HMGXB4: variants seen among roughly 807,000 people sequenced by gnomAD.
HMGXB4 encodes HMG domain-containing protein 4.
A neutral mutation model predicts 63.9 loss-of-function variants in HMGXB4; 27 were observed. The observed-to-expected ratio is 0.42, with a 90% confidence interval of 0.31 to 0.58. The LOEUF is 0.58. Ranked by LOEUF, HMGXB4 falls within the 20% of genes least tolerant of loss-of-function variation. The pLI, the probability that HMGXB4 is intolerant of heterozygous loss-of-function variation, is 0.13. For missense variants in HMGXB4, 624 were observed against 700.7 expected, an observed-to-expected ratio of 0.89 and a Z score of 1.24; for synonymous variants, 264 against 265.3, an observed-to-expected ratio of 0.99 and a Z score of 0.05.
chr22:35,290,112 A>T (rs1428275859), intron 9 of HMGXB4, among the ~76,000 whole-genome samples: 1 of 150,540 alleles, frequency 6.6e-6, no homozygotes, highest in Admixed American at 6.6e-5. Flanking sequence ...AGATATTTCC[A>T]GAAGAAGTAT....
At chr22:35,283,913 C>G (rs746013294) in intron 5 of HMGXB4, 49 bp from the exon 6 acceptor site, 1 of 1,382,290 alleles carries the variant, frequency 7.2e-7, no homozygotes, top group Admixed American at 1.7e-5. Flanking sequence ...GTTACTAAAC[C>G]TGGGTTCTAA....
At chr22:35,256,326 G>A (rs1165640905), upstream of HMGXB4, among the ~76,000 whole-genome samples, 1 of 152,122 alleles carries the variant, frequency 6.6e-6, no homozygotes, top group East Asian at 1.9e-4. Flanking sequence ...CTGCACACAT[G>A]ATTTTACGTT....
the HMGXB4 span, among the ~76,000 whole-genome samples, chr22:35,245,039 A>C: frequency 6.6e-6 from 1 of 152,016 alleles, no homozygotes; most frequent in African/African-American, 2.4e-5. Flanking sequence ...CGCCCGGCTA[A>C]CTTTTTGTAT....
At chr22:35,264,520 A>G (rs1490549041) in intron 4 of HMGXB4, 128 bp from the exon 5 acceptor site, 2 of 696,610 alleles carry the variant, frequency 2.9e-6, no homozygotes, top group Non-Finnish European at 4.9e-6. Flanking sequence ...GAATCAGTTA[A>G]AGGGTCTCCC....
intron 5 of HMGXB4, among the ~76,000 whole-genome samples, chr22:35,277,747 A>G (rs994994859): frequency 6.6e-6 from 1 of 152,246 alleles, no homozygotes; most frequent in African/African-American, 2.4e-5. Flanking sequence ...AGAGGAAAGT[A>G]CAGAGGTAAC....
At chr22:35,254,390 G>A (rs1922306218), upstream of HMGXB4, among the ~76,000 whole-genome samples, 1 of 152,196 alleles carries the variant, frequency 6.6e-6, no homozygotes, top group Non-Finnish European at 1.5e-5. Flanking sequence ...TTCCAGCAAG[G>A]TACAGAGGAA....
the HMGXB4 span, among the ~76,000 whole-genome samples, chr22:35,243,199 T>C: frequency 0.59 from 89,594 of 151,752 alleles, 28,949 homozygotes; most frequent in Non-Finnish European, 0.73. Flanking sequence ...GGTGAAACCC[T>C]GTCTCTACTA....
chr22:35,271,522 A>G (rs1229168037), intron 5 of HMGXB4, among the ~76,000 whole-genome samples: 3 of 152,248 alleles, frequency 2.0e-5, no homozygotes. Flanking sequence ...CCTGAGTTCA[A>G]TTCCTGGCTC....
intron 5 of HMGXB4, among the ~76,000 whole-genome samples, chr22:35,281,473 G>C (rs1924240679): frequency 6.6e-6 from 1 of 152,144 alleles, no homozygotes; most frequent in Non-Finnish European, 1.5e-5. Flanking sequence ...TGTGAATTTG[G>C]ATCTATAGTA....
At chr22:35,291,991 TGACTTTGGCAGAGAAATGGATGCTCAAAG>T (rs1192987559) in intron 9 of HMGXB4, among the ~76,000 whole-genome samples, 1 of 152,140 alleles carries the variant, frequency 6.6e-6, no homozygotes, top group Admixed American at 6.5e-5. Flanking sequence ...TGAATGGTGG[TGACTTTGGCAGAGAAATGGATGCTCAAAG>T]GAGGGCTAGA....
chr22:35,248,401 CTTT>C, the HMGXB4 span, among the ~76,000 whole-genome samples: 10 of 102,948 alleles, frequency 9.7e-5, no homozygotes, highest in East Asian at 2.8e-4. Flanking sequence ...GAGGTCGGGA[CTTT>C]TTTTTTTTTT....
intron 5 of HMGXB4, among the ~76,000 whole-genome samples, chr22:35,277,217 T>C (rs775569822): frequency 3.9e-5 from 6 of 152,250 alleles, no homozygotes; most frequent in South Asian, 2.1e-4. Context: ...CAGTCTCTTA[T>C]AGTTGTAGAA....
chr22:35,293,844 G>A lies in HMGXB4; in HGVS notation c.*193G>A, dbSNP rs919451583. 1 of 337,358 alleles carries A rather than the reference G, an allele frequency of 3.0e-6. No individual in the cohort carries two copies. Among genetic ancestry groups the A allele is most frequent in the African/African-American group, 2.1e-5 (1 of 46,802 alleles). 20.9% of individuals were successfully genotyped at this position (337,358 alleles called of 1,614,324 possible). ...ACTACTTTGCTTTTAATAATTTTATGAAATGGCAAAGGTTTAGCCAAGAGG... is the reference window on the plus strand; with the variant it reads ...ACTACTTTGCTTTTAATAATTTTATAAAATGGCAAAGGTTTAGCCAAGAGG... On this transcript the variant is annotated 3_prime_UTR_variant, in exon 11 of 11. Coordinates refer to ENST00000216106, the MANE Select transcript of HMGXB4 (RefSeq NM_001003681.3).
the HMGXB4 span, among the ~76,000 whole-genome samples, chr22:35,245,174 T>C: frequency 1.2e-4 from 19 of 152,010 alleles, no homozygotes; most frequent in African/African-American, 4.6e-4. Context: ...ACCCGGCCCA[T>C]ATTGGTTATT....
At chr22:35,289,562 C>G (rs1924806303) in intron 9 of HMGXB4, among the ~76,000 whole-genome samples, 1 of 152,224 alleles carries the variant, frequency 6.6e-6, no homozygotes, top group Admixed American at 6.5e-5. Context: ...GAATTTTTCT[C>G]TGCATTTCCA....
At chr22:35,262,178 A>G in intron 1 of HMGXB4, 145 bp from the exon 2 acceptor site, 2 of 587,056 alleles carry the variant, frequency 3.4e-6, no homozygotes, top group South Asian at 4.1e-5. Flanking sequence ...CTGTATTTAC[A>G]AAGAGAATGA....
chr22:35,273,220 A>G (rs1923715977), intron 5 of HMGXB4, among the ~76,000 whole-genome samples: 2 of 152,248 alleles, frequency 1.3e-5, no homozygotes, highest in African/African-American at 4.8e-5. Context: ...AGGCTCTCCT[A>G]GGCATTTTCC....
intron 4 of HMGXB4, 106 bp downstream of exon 4, chr22:35,263,980 A>C: frequency 6.3e-7 from 1 of 1,577,478 alleles, no homozygotes; most frequent in Non-Finnish European, 8.6e-7. Flanking sequence ...CCTATTTAAC[A>C]GGACAGTGGT....
upstream of HMGXB4, among the ~76,000 whole-genome samples, chr22:35,255,988 A>G (rs1922383296): frequency 1.3e-5 from 2 of 152,248 alleles, no homozygotes; most frequent in South Asian, 4.1e-4. Context: ...ATTTGCAGTT[A>G]CATTTTGCAA....
Sources: allele counts gnomAD v4.1 joint callset (sites outside exome capture counted in the v4.1 genomes callset), GRCh38; gene constraint gnomAD v4.1.1; transcripts MANE v1.5; gene names NCBI Gene and HGNC (gene_info 2026-07-23, HGNC 2026-07-21).